SESTD1: variants seen among roughly 807,000 people sequenced by gnomAD.
SESTD1 encodes the protein SEC14 and spectrin domain containing 1, also known as SEC14 domain and spectrin repeat-containing protein 1.
In SESTD1, 43 loss-of-function variants were observed where a neutral mutation model predicts 101.7. That is an observed-to-expected ratio of 0.42 (90% CI 0.33 to 0.55). The LOEUF is 0.55. Ranked by LOEUF, SESTD1 falls within the 20% of genes least tolerant of loss-of-function variation. The probability of loss-of-function intolerance (pLI) is 0.07; values close to 1 mark genes in which losing one functional copy is unlikely to be tolerated. For synonymous variants in SESTD1, 283 were observed against 286.8 expected (o/e 0.99, Z 0.13); for missense variants, 647 against 815.1 (o/e 0.79, Z 2.51).
chr2:179,236,560 G>C (rs978217194), intron 1 of SESTD1, among the ~76,000 whole-genome samples: 1 of 151,872 alleles, frequency 6.6e-6, no homozygotes, highest in Admixed American at 6.6e-5. Context: ...ATATAGCAAA[G>C]GGTAGATGTT....
intron 17 of SESTD1, among the ~76,000 whole-genome samples, chr2:179,111,747 T>G (rs1285988910): frequency 3.6e-5 from 5 of 140,100 alleles, no homozygotes; most frequent in African/African-American, 1.4e-4. Flanking sequence ...TGAGACGGAG[T>G]CTTGCTCTGT....
chr2:179,145,088 CTTTATTA>C (rs1191286039), intron 8 of SESTD1, among the ~76,000 whole-genome samples: 1 of 151,948 alleles, frequency 6.6e-6, no homozygotes, highest in Non-Finnish European at 1.5e-5. Context: ...GAATTTACTT[CTTTATTA>C]TTTATTACAT....
intron 5 of SESTD1, among the ~76,000 whole-genome samples, chr2:179,153,492 A>T (rs2045568052): frequency 6.6e-6 from 1 of 151,430 alleles, no homozygotes; most frequent in Non-Finnish European, 1.5e-5. Context: ...ACACACACAC[A>T]CTCTCTCGCT....
chr2:179,199,068 T>C (rs1335434314), intron 1 of SESTD1, among the ~76,000 whole-genome samples: 1 of 151,138 alleles, frequency 6.6e-6, no homozygotes, highest in South Asian at 2.1e-4. Context: ...GCAAGACTAA[T>C]AAAGAAAAAA....
Position 179,201,385 on chromosome 2 carries a change from A to G in SESTD1, c.-25-9519T>C, listed in dbSNP as rs1336599159. Among the ~76,000 whole-genome samples, 7 of 126,702 alleles carry G rather than the reference A, an allele frequency of 5.5e-5. 1 individual carries two copies. Among genetic ancestry groups the G allele is most frequent in the Non-Finnish European group, 1.1e-4 (7 of 61,196 alleles). 83.1% of individuals were successfully genotyped at this position (126,702 alleles called of 152,430 possible). On this transcript the variant is annotated intron_variant, in intron 1 of 17. Coordinates refer to ENST00000428443, the MANE Select transcript of SESTD1 (RefSeq NM_178123.5). Reference sequence around the variant, plus strand: ...TGTGGCGATTCCTCAGGGATCTAGAACTAGAAATACCATTTGACCCAGCCA... The same window carrying G: ...TGTGGCGATTCCTCAGGGATCTAGAGCTAGAAATACCATTTGACCCAGCCA...
chr2:179,214,823 G>T (rs2105520578), intron 1 of SESTD1, among the ~76,000 whole-genome samples: 1 of 135,368 alleles, frequency 7.4e-6, no homozygotes, highest in Admixed American at 7.2e-5. Context: ...TAGAATTCAG[G>T]ATTAAGAAAC....
At chr2:179,116,139 T>TG (rs112802000) in intron 15 of SESTD1, among the ~76,000 whole-genome samples, 4,062 of 152,100 alleles carry the variant, frequency 0.027, 84 homozygotes, top group Admixed American at 0.035. Flanking sequence ...CCAGGCGTGG[T>TG]GGCCGGTGCC....
rs981167339 is a variant in SESTD1 at position 179,101,740 on chromosome 2, A to T, written c.*8159T>A. Reference sequence around the variant, plus strand: ...TTTGAACAAACACAATGGTAAGATCACTTCAATGGTTTGAAACAGGTTTGT... The same window carrying T: ...TTTGAACAAACACAATGGTAAGATCTCTTCAATGGTTTGAAACAGGTTTGT... On this transcript the variant is annotated 3_prime_UTR_variant, in exon 18 of 18. Transcript: ENST00000428443. 6.6e-6 allele frequency: 1 copy of T among 152,320 alleles called. No individual in the cohort carries two copies. Among genetic ancestry groups the T allele is most frequent in the South Asian group, 2.1e-4 (1 of 4,830 alleles). 9.4% of individuals were successfully genotyped at this position (152,320 alleles called of 1,614,324 possible).
intron 1 of SESTD1, among the ~76,000 whole-genome samples, chr2:179,199,470 C>T (rs1283181590): frequency 6.6e-5 from 10 of 152,208 alleles, no homozygotes; most frequent in East Asian, 1.9e-4. Flanking sequence ...CCAGCATCAT[C>T]CTGATACCAA....
intron 3 of SESTD1, among the ~76,000 whole-genome samples, chr2:179,178,063 G>A (rs1160839267): frequency 6.6e-6 from 1 of 152,180 alleles, no homozygotes; most frequent in African/African-American, 2.4e-5. Context: ...GAGAGTGAGT[G>A]CCAATGGGAA....
chr2:179,162,393 G>C (rs2045753066), intron 5 of SESTD1: 2 of 152,160 alleles, frequency 1.3e-5, no homozygotes, highest in South Asian at 2.1e-4. Context: ...AGTTTAAAGA[G>C]AGACTGATAC....
At chr2:179,174,942 TAAAAA>T (rs71401720) in intron 4 of SESTD1, among the ~76,000 whole-genome samples, 2 of 130,842 alleles carry the variant, frequency 1.5e-5, no homozygotes. Context: ...GTCCCTGATA[TAAAAA>T]AAAAAAAAAA....
intron 1 of SESTD1, among the ~76,000 whole-genome samples, chr2:179,237,386 G>A (rs912230562): frequency 1.3e-4 from 20 of 152,096 alleles, no homozygotes; most frequent in African/African-American, 4.3e-4. Flanking sequence ...GGGACTTGGC[G>A]TAATTTGATC....
At position 179,102,340 on chromosome 2, in the gene SESTD1, C is replaced by A. The variant is rs2044289640; in HGVS notation, c.*7559G>T. The A allele has an allele frequency of 6.6e-6, 1 of 152,048 alleles. No homozygotes were observed. The highest frequency in any genetic ancestry group is 2.4e-5 in the African/African-American group (1 of 41,390). The allele number at this position is 152,048 out of a possible 1,614,324, so 9.4% of individuals were successfully genotyped here. On this transcript the variant is annotated 3_prime_UTR_variant, in exon 18 of 18. Coordinates refer to ENST00000428443, the MANE Select transcript of SESTD1 (RefSeq NM_178123.5). Reference sequence around the variant, plus strand: ...GTAACACTGTTAGAAACAATTTAAACCTTTACAAAAAATAACTCAAATTGA... The same window carrying A: ...GTAACACTGTTAGAAACAATTTAAAACTTTACAAAAAATAACTCAAATTGA...
intron 1 of SESTD1, among the ~76,000 whole-genome samples, chr2:179,198,552 G>A (rs2046444091): frequency 6.6e-6 from 1 of 151,882 alleles, no homozygotes; most frequent in South Asian, 2.1e-4. Flanking sequence ...CACATACTTG[G>A]AAGTACAGCT....
intron 5 of SESTD1, among the ~76,000 whole-genome samples, chr2:179,163,051 G>A (rs575916960): frequency 3.3e-5 from 5 of 151,428 alleles, no homozygotes; most frequent in South Asian, 2.1e-4. Flanking sequence ...ATATATTTCC[G>A]TCCAGTGGAA....
rs778907968 is a variant in SESTD1, at chr2:179,143,626, G to A, written c.815C>T (p.Thr272Ile). The change falls in exon 9 of 18, where the codon ACA becomes ATA. Residue 272 changes from threonine to isoleucine, a missense_variant. Around this residue, in one of 3 missense-constraint regions of SESTD1, gnomAD observed 476 missense variants for 562.6 expected, o/e 0.85. Coordinates refer to ENST00000428443, the MANE Select transcript of SESTD1 (RefSeq NM_178123.5). ...CTTCTGTTGAATCTCTTCTAACTGT[G>A]TGCGCTTGCTACGTTGCCTACAAAC... is the stretch of plus-strand genomic sequence containing the variant. ...QEVCRQRSKR[T>I]QLEEIQQKVM... 1 of 1,613,886 alleles carries A rather than the reference G, an allele frequency of 6.2e-7. No individual in the cohort carries two copies. The highest frequency in any genetic ancestry group is 1.1e-5 in the South Asian group (1 of 91,066).
chr2:179,249,684 AAAAAAAG>A, intron 1 of SESTD1, among the ~76,000 whole-genome samples: 1 of 152,144 alleles, frequency 6.6e-6, no homozygotes, highest in Admixed American at 6.5e-5. Flanking sequence ...GTACAGAGGC[AAAAAAAG>A]AATACCTAAA....
rs2044602036 is a variant in SESTD1, at chr2:179,115,209, T to C, written c.1695A>G (p.Leu565=). 1 of 1,613,460 alleles carries C rather than the reference T, an allele frequency of 6.2e-7. No individual in the cohort carries two copies. The highest frequency in any genetic ancestry group is 8.5e-7 in the Non-Finnish European group (1 of 1,179,848). The change falls in exon 16 of 18, where the codon TTA becomes TTG. Residue 565 remains leucine, a synonymous_variant. Transcript: ENST00000428443. ...GAGAAGTGCAGCGCAAAGATTGGCA[T>C]AACACAACTGTGGCCTGTAGCAACT... ...GRQLLQATVV[L]CQSLRCTSRS... is the part of the protein sequence containing the mutation.
Sources: allele counts gnomAD v4.1 joint callset (sites outside exome capture counted in the v4.1 genomes callset), GRCh38; gene constraint gnomAD v4.1.1; regional missense constraint gnomAD v4.1.1; transcripts MANE v1.5; gene names NCBI Gene and HGNC (gene_info 2026-07-23, HGNC 2026-07-21).